Variants in CACNA2D3 observed in about 807,000 individuals in gnomAD.
CACNA2D3 encodes the protein calcium voltage-gated channel auxiliary subunit alpha2delta 3.
In CACNA2D3, 60 loss-of-function variants were observed where a neutral mutation model predicts 160.6. That is an observed-to-expected ratio of 0.37 (90% confidence interval 0.30 to 0.46). CACNA2D3 has a LOEUF of 0.46. Among genes scored for constraint, CACNA2D3 ranks in the 20% least tolerant of loss-of-function variants. The probability of loss-of-function intolerance (pLI) is 1.00; values close to 1 mark genes in which losing one functional copy is unlikely to be tolerated. For synonymous variants in CACNA2D3, 558 were observed against 492.9 expected, an observed-to-expected ratio of 1.13 and a Z score of -1.75; for missense variants, 1,205 against 1,365.0, an observed-to-expected ratio of 0.88 and a Z score of 1.85.
chr3:54,594,929 A>G (rs1053013573), intron 9 of CACNA2D3, among the ~76,000 whole-genome samples: 4 of 152,136 alleles, frequency 2.6e-5, no homozygotes, highest in African/African-American at 9.7e-5. Context: ...CATCATGAAT[A>G]CTCATCTGAA....
At chr3:54,659,626 A>G (rs965490444) in intron 11 of CACNA2D3, among the ~76,000 whole-genome samples, 3 of 152,130 alleles carry the variant, frequency 2.0e-5, no homozygotes, top group Admixed American at 2.0e-4. Flanking sequence ...CGTGTCCTGA[A>G]TTTTGAATGG....
intron 5 of CACNA2D3, among the ~76,000 whole-genome samples, chr3:54,541,102 C>T (rs1462160520): frequency 6.6e-6 from 1 of 151,530 alleles, no homozygotes; most frequent in South Asian, 2.1e-4. Flanking sequence ...ATGGTGAAAC[C>T]CCATCTCTAC....
In CACNA2D3 at chr3:54,331,787, C is replaced by G. The variant is rs564873953; in HGVS notation, c.321+11229C>G. On this transcript the variant is annotated intron_variant, in intron 3 of 37. Coordinates refer to ENST00000474759, the MANE Select transcript of CACNA2D3 (RefSeq NM_018398.3). ...CTTTAACATTTGAGGATGTTTAGCT[C>G]TTGTTCAGCCCTCACCTATTAAAAG... Among the ~76,000 whole-genome samples, 10 of 152,274 alleles carry G rather than the reference C, an allele frequency of 6.6e-5. No individual in the cohort carries two copies. In the South Asian group the frequency reaches 1.9e-3, roughly 28 times the overall value.
intron 35 of CACNA2D3, among the ~76,000 whole-genome samples, chr3:55,042,151 T>A (rs1052749099): frequency 6.6e-6 from 1 of 152,166 alleles, no homozygotes; most frequent in African/African-American, 2.4e-5. Context: ...ATTCTATAAA[T>A]GTGAATTAGG....
At chr3:54,872,234 C>G (rs1178658133) in intron 18 of CACNA2D3, among the ~76,000 whole-genome samples, 1 of 152,174 alleles carries the variant, frequency 6.6e-6, no homozygotes. Context: ...CAAAAGCTCT[C>G]CTTATACCCA....
chr3:54,290,513 G>C (rs1315795804), intron 2 of CACNA2D3, among the ~76,000 whole-genome samples: 1 of 151,612 alleles, frequency 6.6e-6, no homozygotes, highest in Non-Finnish European at 1.5e-5. Context: ...ATTCCTCAGG[G>C]ATCTAGAACT....
chr3:54,158,807 A>T (rs906951225), intron 2 of CACNA2D3, among the ~76,000 whole-genome samples: 1 of 152,226 alleles, frequency 6.6e-6, no homozygotes, highest in African/African-American at 2.4e-5. Context: ...CATGCAAAAG[A>T]AGTAGGCTCT....
At chr3:54,724,018 G>A (rs1701228147) in intron 11 of CACNA2D3, among the ~76,000 whole-genome samples, 1 of 152,164 alleles carries the variant, frequency 6.6e-6, no homozygotes, top group South Asian at 2.1e-4. Flanking sequence ...CTGTATTCAG[G>A]AGACCCATCT....
At chr3:54,497,842 A>G (rs1399021340) in intron 4 of CACNA2D3, among the ~76,000 whole-genome samples, 2 of 151,816 alleles carry the variant, frequency 1.3e-5, no homozygotes, top group Non-Finnish European at 1.5e-5. Flanking sequence ...CTTTTTCTTT[A>G]TCTATTTGAT....
intron 29 of CACNA2D3, among the ~76,000 whole-genome samples, chr3:54,974,994 G>A (rs530263012): frequency 6.6e-6 from 1 of 152,260 alleles, no homozygotes; most frequent in African/African-American, 2.4e-5. Context: ...ATTGTAAAGT[G>A]ATATGGAAAA....
chr3:54,482,146 T>G (rs1299119271), intron 4 of CACNA2D3, among the ~76,000 whole-genome samples: 3 of 152,218 alleles, frequency 2.0e-5, no homozygotes, highest in Admixed American at 2.0e-4. Flanking sequence ...AGAATTGAGA[T>G]GTCATAACCG....
intron 4 of CACNA2D3, among the ~76,000 whole-genome samples, chr3:54,390,574 C>T (rs1030997319): frequency 1.3e-5 from 2 of 152,160 alleles, no homozygotes; most frequent in Non-Finnish European, 2.9e-5. Flanking sequence ...CACTGGTGCT[C>T]CGACCTCAGT....
At chr3:54,177,136 A>G (rs1209922291) in intron 2 of CACNA2D3, among the ~76,000 whole-genome samples, 5 of 152,334 alleles carry the variant, frequency 3.3e-5, no homozygotes, top group Non-Finnish European at 4.4e-5. Flanking sequence ...TGGTAAATCC[A>G]TTGTATCTGC....
intron 11 of CACNA2D3, among the ~76,000 whole-genome samples, chr3:54,748,366 A>G (rs1266644525): frequency 6.6e-6 from 1 of 152,338 alleles, no homozygotes; most frequent in East Asian, 1.9e-4. Flanking sequence ...AGTAAAAAGC[A>G]TAATCGGTTT....
chr3:54,643,760 T>G (rs1486843627), intron 11 of CACNA2D3, among the ~76,000 whole-genome samples: 2 of 152,202 alleles, frequency 1.3e-5, no homozygotes, highest in Non-Finnish European at 2.9e-5. Flanking sequence ...GGCCCAGTGC[T>G]GAGCGTCTGG....
chr3:55,029,381 A>G (rs1206883003), intron 35 of CACNA2D3, among the ~76,000 whole-genome samples: 7 of 152,198 alleles, frequency 4.6e-5, no homozygotes, highest in African/African-American at 1.7e-4. Flanking sequence ...AAAAAGATGT[A>G]TTACTTTCAT....
chr3:54,401,155 C>G (rs1182733066), intron 4 of CACNA2D3, among the ~76,000 whole-genome samples: 1 of 151,750 alleles, frequency 6.6e-6, no homozygotes, highest in Non-Finnish European at 1.5e-5. Flanking sequence ...GAAAGAAACT[C>G]TGAACTTGAT....
intron 11 of CACNA2D3, among the ~76,000 whole-genome samples, chr3:54,742,059 G>T (rs1346342352): frequency 6.6e-6 from 1 of 151,998 alleles, no homozygotes; most frequent in Non-Finnish European, 1.5e-5. Flanking sequence ...TAGAGATGAG[G>T]TCTTGCCATG....
At chr3:54,541,766 A>G (rs1373207878) in intron 5 of CACNA2D3, among the ~76,000 whole-genome samples, 1 of 152,202 alleles carries the variant, frequency 6.6e-6, no homozygotes, top group Non-Finnish European at 1.5e-5. Flanking sequence ...GAGACTAGAG[A>G]GGCAGGCAAT....
Sources: gnomAD v4.1 joint callset for allele counts (sites outside exome capture counted in the v4.1 genomes callset) on GRCh38, gnomAD v4.1.1 for gene constraint, MANE v1.5 for transcripts, NCBI Gene and HGNC (gene_info 2026-07-23, HGNC 2026-07-21) for gene names.